TRNAU1AP: variants seen among roughly 807,000 people sequenced by gnomAD.
TRNAU1AP encodes the protein tRNA selenocysteine 1-associated protein 1.
In TRNAU1AP, 33 loss-of-function variants were observed where a neutral mutation model predicts 43.3. That is an observed-to-expected ratio of 0.76 (90% CI 0.58 to 1.02). The LOEUF is 1.02. TRNAU1AP is among the 50% of genes least tolerant of loss of function. TRNAU1AP has a pLI of 0.00. For synonymous variants in TRNAU1AP, 143 were observed against 129.1 expected, an observed-to-expected ratio of 1.11 and a Z score of -0.73; for missense variants, 290 against 362.7, an observed-to-expected ratio of 0.80 and a Z score of 1.63.
chr1:28,566,663 G>A (rs186690933), intron 5 of TRNAU1AP, among the ~76,000 whole-genome samples: 1 of 151,886 alleles, frequency 6.6e-6, no homozygotes, highest in South Asian at 2.1e-4. Flanking sequence ...GGAGGCTGAG[G>A]CAGAAGAATG....
intron 8 of TRNAU1AP, among the ~76,000 whole-genome samples, chr1:28,573,177 G>A (rs1021404356): frequency 2.7e-5 from 4 of 149,820 alleles, no homozygotes; most frequent in Non-Finnish European, 5.9e-5. Context: ...GGGATTTCAG[G>A]CACATGCCAC....
intron 8 of TRNAU1AP, among the ~76,000 whole-genome samples, chr1:28,575,485 G>A (rs1665756731): frequency 7.0e-6 from 1 of 142,372 alleles, no homozygotes. Context: ...TTTTTGAGAC[G>A]GTGTCTCACT....
At chr1:28,561,891 T>C (rs1570249583) in intron 4 of TRNAU1AP, among the ~76,000 whole-genome samples, 1 of 152,042 alleles carries the variant, frequency 6.6e-6, no homozygotes, top group South Asian at 2.1e-4. Flanking sequence ...GCTAACACGG[T>C]GAAACCCCGT....
At position 28,571,275 on chromosome 1, in the gene TRNAU1AP, C is replaced by G; in HGVS notation, c.630C>G (p.Asp210Glu). ...ACTACTATGCTCAGTGGGGCTATGACCAGAACACAGGCAGCTACAGCTACA... is the reference window on the plus strand; with the variant it reads ...ACTACTATGCTCAGTGGGGCTATGAGCAGAACACAGGCAGCTACAGCTACA... ...YQNYYAQWGY[D>E]QNTGSYSYSY... Residue 210 changes from aspartate (D) to glutamate (E), a missense_variant, in exon 7 of 9, where the codon GAC (aspartate) becomes GAG (glutamate). Coordinates refer to ENST00000373830, the MANE Select transcript of TRNAU1AP (RefSeq NM_017846.5). The G allele has an allele frequency of 6.2e-7, 1 of 1,614,004 alleles. No homozygotes were observed. The highest frequency in any genetic ancestry group is 8.5e-7 in the Non-Finnish European group (1 of 1,179,956).
rs772432714 is a variant in TRNAU1AP at position 28,567,296 on chromosome 1, G to T, written c.413G>T (p.Gly138Val). 1 of 1,611,334 alleles carries T rather than the reference G, an allele frequency of 6.2e-7. No individual in the cohort carries two copies. Among genetic ancestry groups the T allele is most frequent in the African/African-American group, 1.3e-5 (1 of 74,696 alleles). The change falls in exon 6 of 9, where the codon GGT becomes GTT. Residue 138 changes from glycine (G) to valine (V), a missense_variant and splice_region_variant. By Grantham distance (109) the Gly-to-Val change is moderately radical (BLOSUM62 -3). Around this residue, in one of 3 missense-constraint regions of TRNAU1AP, gnomAD observed 174 missense variants for 262.1 expected, o/e 0.66. Transcript: ENST00000373830. ...AATTGTATATTTTTTTCATGCAGGG[G>T]TTATGGTTTTGTGAAATTCACAGAT... Reference protein sequence around the residue: ...VVLDQTGVSKGYGFVKFTDEL... With the variant: ...VVLDQTGVSKVYGFVKFTDEL...
At chr1:28,563,109 T>A (rs1271734090) in intron 4 of TRNAU1AP, among the ~76,000 whole-genome samples, 4 of 151,608 alleles carry the variant, frequency 2.6e-5, no homozygotes, top group Non-Finnish European at 5.9e-5. Flanking sequence ...TTGGTCAGGC[T>A]GGTTTTGAAC....
Position 28,577,695 on chromosome 1 carries a change from A to C in TRNAU1AP, c.*59A>C. 6.6e-7 allele frequency: 1 copy of C among 1,521,174 alleles called. No individual in the cohort carries two copies. Among genetic ancestry groups the C allele is most frequent in the Non-Finnish European group, 8.9e-7 (1 of 1,127,854 alleles). 94.2% of individuals were successfully genotyped at this position (1,521,174 alleles called of 1,614,324 possible). ...GAGGGAGATGAGAGACTCCTTTTTA[A>C]AAATTGTGAAACCTTTTTGGAAATA... On this transcript the variant is annotated 3_prime_UTR_variant, in exon 9 of 9. Coordinates refer to ENST00000373830, the MANE Select transcript of TRNAU1AP (RefSeq NM_017846.5).
At chr1:28,553,786 T>C (rs375402131) in intron 2 of TRNAU1AP, 49 bp downstream of exon 2, 12 of 1,495,682 alleles carry the variant, frequency 8.0e-6, no homozygotes, top group East Asian at 2.3e-5. Flanking sequence ...GCAGCTGTCA[T>C]GTACGAGAAT....
At chr1:28,553,527 C>A in intron 1 of TRNAU1AP, 113 bp from the exon 2 acceptor site, 3 of 1,021,416 alleles carry the variant, frequency 2.9e-6, no homozygotes, top group Non-Finnish European at 2.9e-6. Flanking sequence ...AACCTCGCCC[C>A]TCGCTCCCCC....
intron 8 of TRNAU1AP, chr1:28,574,616 C>G (rs1331203905): frequency 6.6e-6 from 1 of 152,060 alleles, no homozygotes; most frequent in Admixed American, 6.6e-5. Context: ...GTTGCCCAGG[C>G]TGGTCTTGAA....
chr1:28,557,773 C>T (rs1299901340), intron 2 of TRNAU1AP, among the ~76,000 whole-genome samples: 1 of 151,566 alleles, frequency 6.6e-6, no homozygotes, highest in Non-Finnish European at 1.5e-5. Flanking sequence ...ATTCTTATTA[C>T]AGACAGGTTT....
chr1:28,557,012 C>T lies in TRNAU1AP; in HGVS notation c.125+3275C>T, dbSNP rs540061121. Among the ~76,000 whole-genome samples, 29 of 146,022 alleles carry T rather than the reference C, an allele frequency of 2.0e-4. 1 individual carries two copies. The South Asian group carries it at 6.2e-3, about 31-fold the overall frequency. On this transcript the variant is annotated intron_variant, in intron 2 of 8. Transcript: ENST00000373830. Reference sequence around the variant, plus strand: ...TATTTTTAGTATAGATGGGATTTCACTGTGTTGGCCAGGCTAGCCTCGAAC... The same window carrying T: ...TATTTTTAGTATAGATGGGATTTCATTGTGTTGGCCAGGCTAGCCTCGAAC...
At chr1:28,565,010 G>T in intron 5 of TRNAU1AP, 176 bp downstream of exon 5, 1 of 713,808 alleles carries the variant, frequency 1.4e-6, no homozygotes, top group Non-Finnish European at 2.4e-6. Context: ...CAGTATTGTA[G>T]AATTGAAGCT....
At chr1:28,561,847 C>T (rs187185664) in intron 4 of TRNAU1AP, among the ~76,000 whole-genome samples, 126 of 152,168 alleles carry the variant, frequency 8.3e-4, no homozygotes, top group African/African-American at 2.7e-3. Flanking sequence ...CCAAGGCGGG[C>T]GGATCACGAG....
At chr1:28,576,977 G>T (rs549732269) in intron 8 of TRNAU1AP, among the ~76,000 whole-genome samples, 1 of 152,266 alleles carries the variant, frequency 6.6e-6, no homozygotes, top group African/African-American at 2.4e-5. Flanking sequence ...AAGGCGGGAG[G>T]ATCACTTTAA....
chr1:28,573,147 C>T (rs1281847565), intron 8 of TRNAU1AP, among the ~76,000 whole-genome samples: 3 of 148,408 alleles, frequency 2.0e-5, no homozygotes, highest in Non-Finnish European at 4.5e-5. Context: ...GATTCTCCTG[C>T]CTCAGCCTCC....
At chr1:28,571,140 T>C in intron 6 of TRNAU1AP, 36 bp from the exon 7 acceptor site, 1 of 1,607,424 alleles carries the variant, frequency 6.2e-7, no homozygotes, top group South Asian at 1.1e-5. Context: ...CGGAAATGTT[T>C]GCTTACACTT....
intron 2 of TRNAU1AP, among the ~76,000 whole-genome samples, chr1:28,556,567 A>G (rs1665270386): frequency 2.7e-5 from 4 of 148,962 alleles, no homozygotes; most frequent in African/African-American, 7.4e-5. Context: ...GCTGAAGTGC[A>G]ATGGCACCAT....
Position 28,572,637 on chromosome 1 carries a change from A to G in TRNAU1AP, c.727+737A>G, listed in dbSNP as rs115239886. Among the ~76,000 whole-genome samples the G allele has an allele frequency of 4.1e-3, 622 of 152,100 alleles. 5 individuals carry two copies. The highest frequency in any genetic ancestry group is 0.014 in the African/African-American group (595 of 41,496). On this transcript the variant is annotated intron_variant, in intron 8 of 8. Transcript: ENST00000373830. ...CATCGTTAGGATGGAAAATTTGGAA[A>G]ATATAGTAAAGTATGGGCCAGGCAT... is the stretch of plus-strand genomic sequence containing the variant.
Sources: gnomAD v4.1 joint callset for allele counts (sites outside exome capture counted in the v4.1 genomes callset) on GRCh38, gnomAD v4.1.1 for gene constraint, gnomAD v4.1.1 regional missense constraint, MANE v1.5 for transcripts, NCBI Gene and HGNC (gene_info 2026-07-23, HGNC 2026-07-21) for gene names.